R3HDM1: variants seen among roughly 807,000 people sequenced by gnomAD.
The protein encoded by R3HDM1 is R3H domain-containing protein 1.
Under a neutral mutation model 141.1 loss-of-function variants are expected in R3HDM1, and 46 were observed. The observed-to-expected ratio is 0.33, with a 90% CI of 0.26 to 0.42. The LOEUF (loss-of-function observed/expected upper bound fraction) is 0.42. R3HDM1 is among the 10% of genes least tolerant of loss of function. The pLI, the probability that R3HDM1 is intolerant of heterozygous loss-of-function variation, is 1.00. For missense variants in R3HDM1, 1,184 were observed against 1,368.3 expected (o/e 0.87, Z 2.12); for synonymous variants, 435 against 472.9 (o/e 0.92, Z 1.04).
intron 3 of R3HDM1, among the ~76,000 whole-genome samples, chr2:135,608,185 G>A (rs1158185290): frequency 1.3e-5 from 2 of 151,892 alleles, no homozygotes; most frequent in Non-Finnish European, 2.9e-5. Flanking sequence ...GCATGGTGGC[G>A]CACGCCTGTA....
At chr2:135,671,036 C>T (rs1326204723) in intron 19 of R3HDM1, among the ~76,000 whole-genome samples, 1 of 151,356 alleles carries the variant, frequency 6.6e-6, no homozygotes, top group African/African-American at 2.4e-5. Flanking sequence ...CTGTCCTGGG[C>T]GATAGGGTAG....
chr2:135,633,287 A>C (rs2062898488), intron 9 of R3HDM1, among the ~76,000 whole-genome samples: 1 of 152,210 alleles, frequency 6.6e-6, no homozygotes, highest in Admixed American at 6.5e-5. Flanking sequence ...GCTAGAGGTG[A>C]ATAGAACTGT....
intron 11 of R3HDM1, 23 bp downstream of exon 11, chr2:135,636,206 C>T: frequency 6.2e-7 from 1 of 1,605,518 alleles, no homozygotes; most frequent in African/African-American, 1.3e-5. Context: ...TTACTTAGGT[C>T]TTCATGTTAG....
chr2:135,722,126 C>T (rs113592533), intron 25 of R3HDM1, 120 bp downstream of exon 25: 3 of 951,764 alleles, frequency 3.2e-6, no homozygotes, highest in Non-Finnish European at 4.9e-6. Flanking sequence ...GTGCCTCAGC[C>T]AGTTGGTTTA....
At chr2:135,691,274 A>C (rs564881738) in intron 21 of R3HDM1, among the ~76,000 whole-genome samples, 43 of 152,312 alleles carry the variant, frequency 2.8e-4, no homozygotes, top group African/African-American at 9.6e-4. Context: ...TTAGCAATCA[A>C]ATTTTTTAAC....
chr2:135,712,511 G>A (rs1312615847), intron 23 of R3HDM1, among the ~76,000 whole-genome samples: 1 of 150,310 alleles, frequency 6.7e-6, no homozygotes, highest in South Asian at 2.1e-4. Flanking sequence ...AGCTCAAGCG[G>A]TCCACCTGGC....
At chr2:135,718,242 G>T (rs1164619098) in intron 24 of R3HDM1, among the ~76,000 whole-genome samples, 6 of 152,244 alleles carry the variant, frequency 3.9e-5, no homozygotes, top group Non-Finnish European at 7.3e-5. Context: ...GTTCTTTAAG[G>T]GGGTGGGGGA....
chr2:135,661,184 T>G (rs1023497665), intron 18 of R3HDM1, 86 bp from the exon 19 acceptor site: 12 of 1,483,682 alleles, frequency 8.1e-6, no homozygotes, highest in Non-Finnish European at 8.3e-6. Flanking sequence ...AAAGAATTAT[T>G]ACTCATTAAA....
chr2:135,533,007 A>G (rs371791311), intron 1 of R3HDM1, among the ~76,000 whole-genome samples: 1 of 152,226 alleles, frequency 6.6e-6, no homozygotes, highest in Non-Finnish European at 1.5e-5. Context: ...TTCTGAGGAA[A>G]CATCTGAGTT....
chr2:135,579,401 C>T (rs1392616290), intron 1 of R3HDM1, among the ~76,000 whole-genome samples: 1 of 152,024 alleles, frequency 6.6e-6, no homozygotes, highest in African/African-American at 2.4e-5. Flanking sequence ...CATGGAATTC[C>T]AATTAGCATA....
Position 135,547,262 on chromosome 2 carries a change from A to T in R3HDM1, c.-250+15629A>T, listed in dbSNP as rs144807380. Among the ~76,000 whole-genome samples, 99 of 152,310 alleles carry T rather than the reference A, an allele frequency of 6.5e-4. No individual in the cohort carries two copies. In the East Asian group the frequency reaches 0.018, roughly 28 times the overall value. The stretch of plus-strand genomic sequence containing the variant: ...TAGCATTTTTAAAAATCAAAACAGT[A>T]CATGCACATAGAAATCAGTATGGTG... On this transcript the variant is annotated intron_variant, in intron 1 of 26. Coordinates refer to ENST00000683871, the MANE Select transcript of R3HDM1 (RefSeq NM_001378107.1).
intron 1 of R3HDM1, among the ~76,000 whole-genome samples, chr2:135,533,136 G>T (rs909443516): frequency 6.6e-6 from 1 of 152,130 alleles, no homozygotes; most frequent in South Asian, 2.1e-4. Context: ...GAGGAAATTT[G>T]TGGTATCTAT....
chr2:135,547,709 A>G (rs1203653274), intron 1 of R3HDM1, among the ~76,000 whole-genome samples: 1 of 150,988 alleles, frequency 6.6e-6, no homozygotes, highest in East Asian at 1.9e-4. Flanking sequence ...TTCCCGAGGA[A>G]GGTTGCTTAG....
intron 9 of R3HDM1, among the ~76,000 whole-genome samples, chr2:135,632,254 C>T (rs916554877): frequency 3.3e-5 from 5 of 150,722 alleles, no homozygotes; most frequent in African/African-American, 1.2e-4. Context: ...GACATAGTAT[C>T]AGTGATGTTT....
At chr2:135,606,506 G>A (rs2060065104) in intron 3 of R3HDM1, 1 of 152,110 alleles carries the variant, frequency 6.6e-6, no homozygotes, top group Admixed American at 6.5e-5. Flanking sequence ...AGCGATGGCT[G>A]TAATCCCAGC....
At chr2:135,632,078 G>T in intron 9 of R3HDM1, 77 bp downstream of exon 9, 1 of 1,190,222 alleles carries the variant, frequency 8.4e-7, no homozygotes, top group Non-Finnish European at 1.1e-6. Flanking sequence ...CCTTTCATCT[G>T]AGGTTTTCCA....
chr2:135,718,272 A>G (rs892561095), intron 24 of R3HDM1, among the ~76,000 whole-genome samples: 11 of 152,122 alleles, frequency 7.2e-5, no homozygotes, highest in Non-Finnish European at 1.3e-4. Context: ...GGTTACACGG[A>G]CTTTTACAGT....
chr2:135,603,376 G>C (rs1421169060), intron 2 of R3HDM1, among the ~76,000 whole-genome samples: 1 of 151,896 alleles, frequency 6.6e-6, no homozygotes, highest in African/African-American at 2.4e-5. Context: ...AAGTTTCACT[G>C]GTTTCCCCCC....
intron 19 of R3HDM1, among the ~76,000 whole-genome samples, chr2:135,674,461 T>A (rs1351306459): frequency 6.6e-6 from 1 of 152,224 alleles, no homozygotes; most frequent in East Asian, 1.9e-4. Flanking sequence ...TAAAAAACTT[T>A]GTGGGTAGCA....
Sources: allele counts gnomAD v4.1 joint callset (sites outside exome capture counted in the v4.1 genomes callset), GRCh38; gene constraint gnomAD v4.1.1; transcripts MANE v1.5; gene names NCBI Gene and HGNC (gene_info 2026-07-23, HGNC 2026-07-21).